The following SMAD6 variants were observed in gnomAD, a reference collection of about 807,000 sequenced individuals.
SMAD6 encodes MAD homolog 6.
SMAD6 carries 103 observed loss-of-function variants against 39.4 expected under a neutral mutation model. The ratio of observed to expected loss-of-function variants is 2.62; its 90% CI spans 2.23 to 3.08. The LOEUF (loss-of-function observed/expected upper bound fraction) is 3.08, where lower values mean the gene tolerates loss of function less well. SMAD6 is among the 30% of genes most tolerant of loss of function. The pLI, the probability that SMAD6 is intolerant of heterozygous loss-of-function variation, is 0.00. For synonymous variants in SMAD6, 445 were observed against 353.3 expected (o/e 1.26, Z -2.91); for missense variants, 1,104 against 742.9 (o/e 1.49, Z -5.65).
At chr15:66,758,733 GA>G (rs34332070) in intron 3 of SMAD6, among the ~76,000 whole-genome samples, 29 of 145,004 alleles carry the variant, frequency 2.0e-4, no homozygotes, top group Middle Eastern at 3.6e-3. Flanking sequence ...GTCTCCAGAA[GA>G]AAAAAAAAAA....
intron 3 of SMAD6, among the ~76,000 whole-genome samples, chr15:66,728,668 G>C (rs1893567529): frequency 6.6e-6 from 1 of 152,158 alleles, no homozygotes; most frequent in Admixed American, 6.5e-5. Context: ...GCCTCGCAAA[G>C]CGCTGGGATT....
intron 3 of SMAD6, among the ~76,000 whole-genome samples, chr15:66,768,853 A>G (rs908873701): frequency 6.6e-6 from 1 of 152,224 alleles, no homozygotes; most frequent in African/African-American, 2.4e-5. Context: ...GTTAGGCGAC[A>G]TAGTACCAGG....
chr15:66,775,154 G>C (rs1026065483), intron 3 of SMAD6, among the ~76,000 whole-genome samples: 4 of 152,078 alleles, frequency 2.6e-5, no homozygotes, highest in African/African-American at 9.7e-5. Context: ...GAGCCACCAT[G>C]CCTGGCCACT....
intron 3 of SMAD6, chr15:66,716,891 G>A (rs1187908941): frequency 1.1e-6 from 1 of 912,948 alleles, no homozygotes; most frequent in Non-Finnish European, 1.5e-6. Context: ...TCCAGGGGAG[G>A]GACCAATGTG....
intron 1 of SMAD6, 27 bp downstream of exon 1, chr15:66,704,102 G>A (rs1327527179): frequency 2.5e-5 from 35 of 1,406,780 alleles, no homozygotes; most frequent in African/African-American, 4.5e-5. Flanking sequence ...GGCCGGGGGG[G>A]CCCCGGGTCC....
intron 3 of SMAD6, among the ~76,000 whole-genome samples, chr15:66,772,535 T>C (rs1389428038): frequency 6.6e-6 from 1 of 152,236 alleles, no homozygotes; most frequent in African/African-American, 2.4e-5. Context: ...ATCTATCATA[T>C]AATTTATATA....
chr15:66,727,783 CTTT>C (rs1893548580), intron 3 of SMAD6, among the ~76,000 whole-genome samples: 1 of 151,950 alleles, frequency 6.6e-6, no homozygotes, highest in African/African-American at 2.4e-5. Context: ...TTAATGTAAA[CTTT>C]TTACCAATAC....
chr15:66,772,252 C>T (rs1333074778), intron 3 of SMAD6, among the ~76,000 whole-genome samples: 1 of 152,222 alleles, frequency 6.6e-6, no homozygotes, highest in Admixed American at 6.5e-5. Flanking sequence ...CTGCAGCTTC[C>T]TGGCTGAGAG....
At chr15:66,773,371 A>T (rs985487519) in intron 3 of SMAD6, among the ~76,000 whole-genome samples, 2 of 152,134 alleles carry the variant, frequency 1.3e-5, no homozygotes, top group African/African-American at 4.8e-5. Flanking sequence ...AGCCCGGTGG[A>T]TAAAGAACTG....
At chr15:66,717,209 G>C in intron 3 of SMAD6, 1 of 1,096,804 alleles carries the variant, frequency 9.1e-7, no homozygotes, top group Non-Finnish European at 1.2e-6. Flanking sequence ...AGCATGGCTG[G>C]TGGCATGGTG....
chr15:66,739,104 T>TC (rs1368835444), intron 3 of SMAD6, among the ~76,000 whole-genome samples: 1 of 150,740 alleles, frequency 6.6e-6, no homozygotes, highest in African/African-American at 2.4e-5. Flanking sequence ...TTTTTTTTTT[T>TC]TATTGAGACG....
rs551873209 is a variant in SMAD6 at position 66,770,306 on chromosome 15, T to G, written c.953-10691T>G. On this transcript the variant is annotated intron_variant, in intron 3 of 3. Transcript: ENST00000288840. ...TTGGTGAACTTGGGCATTTAATGCC[T>G]GAGATGAGAACTCAGGCCCAGCCTG... Among the ~76,000 whole-genome samples the G allele has an allele frequency of 2.4e-3, 364 of 152,228 alleles. 1 individual carries two copies. The highest frequency in any genetic ancestry group is 8.5e-3 in the African/African-American group (352 of 41,544).
chr15:66,781,367 C>A lies in SMAD6; in HGVS notation c.1323C>A (p.Phe441Leu), dbSNP rs1425838706. Residue 441 changes from phenylalanine to leucine, a missense_variant, in exon 4 of 4, where the codon TTC (phenylalanine) becomes TTA (leucine). By Grantham distance (22) the Phe-to-Leu change is conservative. Transcript: ENST00000288840. ...GCTACTCCATCAAGGTGTTCGACTTCGAGCGCTCGGGCCTGCAGCACGCGC... is the reference window on the plus strand; with the variant it reads ...GCTACTCCATCAAGGTGTTCGACTTAGAGCGCTCGGGCCTGCAGCACGCGC... Reference protein sequence around the residue: ...PPGYSIKVFDFERSGLQHAPE... With the variant: ...PPGYSIKVFDLERSGLQHAPE... 1.2e-6 allele frequency: 2 copies of A among 1,600,078 alleles called. No homozygotes were observed. Among genetic ancestry groups the A allele is most frequent in the South Asian group, 2.2e-5 (2 of 90,836 alleles).
intron 3 of SMAD6, among the ~76,000 whole-genome samples, chr15:66,750,719 T>C (rs1178848699): frequency 6.6e-6 from 1 of 152,192 alleles, no homozygotes; most frequent in African/African-American, 2.4e-5. Context: ...CAGCTACTTC[T>C]GTGGGCAGTC....
intron 3 of SMAD6, among the ~76,000 whole-genome samples, chr15:66,749,180 C>T (rs920668117): frequency 6.6e-6 from 1 of 152,076 alleles, no homozygotes; most frequent in African/African-American, 2.4e-5. Flanking sequence ...CAAAAACTGG[C>T]CAGGTGCAGT....
chr15:66,763,188 C>T (rs1371873164), intron 3 of SMAD6, among the ~76,000 whole-genome samples: 3 of 152,148 alleles, frequency 2.0e-5, no homozygotes, highest in Non-Finnish European at 1.5e-5. Context: ...AGCAATCTTC[C>T]AGTCTGGTGG....
chr15:66,744,225 C>G (rs929650175), intron 3 of SMAD6, among the ~76,000 whole-genome samples: 1 of 152,200 alleles, frequency 6.6e-6, no homozygotes, highest in Non-Finnish European at 1.5e-5. Context: ...ACAAAAACCG[C>G]GGCTCTGGGA....
chr15:66,724,880 C>T (rs1288100056), intron 3 of SMAD6, among the ~76,000 whole-genome samples: 1 of 152,160 alleles, frequency 6.6e-6, no homozygotes, highest in Non-Finnish European at 1.5e-5. Context: ...CAGATGGCCC[C>T]TACCCCTCAC....
rs1893010045 is a variant in SMAD6, at chr15:66,703,097, T to TGC, written c.-160_-159dup. 1 of 472,314 alleles carries TGC rather than the reference T, an allele frequency of 2.1e-6. No homozygotes were observed. Among genetic ancestry groups the TGC allele is most frequent in the Non-Finnish European group, 3.6e-6 (1 of 277,054 alleles). The allele number at this position is 472,314 out of a possible 1,614,324, so 29.3% of individuals were successfully genotyped here. A position where few individuals can be genotyped will look rare whatever the true frequency, so the allele number is the denominator to read the frequency against. On this transcript the variant is annotated 5_prime_UTR_variant, in exon 1 of 4. An upstream open reading frame in the 5' UTR loses its in-frame stop. Transcript: ENST00000288840. The stretch of plus-strand genomic sequence containing the variant: ...GGCGAGCTCCCTCATGTTGTCGCCC[T>TGC]GCGGCGCCCCTTCGACGACAGGCTG...
Sources: gnomAD v4.1 joint callset for allele counts (sites outside exome capture counted in the v4.1 genomes callset) on GRCh38, gnomAD v4.1.1 for gene constraint, MANE v1.5 for transcripts, NCBI Gene and HGNC (gene_info 2026-07-23, HGNC 2026-07-21) for gene names.